The following SLC22A8 variants were observed in gnomAD, a reference collection of about 807,000 sequenced individuals.
The protein encoded by SLC22A8 is organic anion transporter 3.
Under a neutral mutation model 48.4 loss-of-function variants are expected in SLC22A8, and 40 were observed. That is an observed-to-expected ratio of 0.83 (90% CI 0.64 to 1.08). SLC22A8 has a LOEUF of 1.08. SLC22A8 is among the 50% of genes least tolerant of loss of function. SLC22A8 has a pLI of 0.00. For synonymous variants in SLC22A8, 268 were observed against 286.3 expected (o/e 0.94, Z 0.65); for missense variants, 606 against 699.0 (o/e 0.87, Z 1.50).
At chr11:63,002,999 C>A (rs2086515602) in intron 2 of SLC22A8, among the ~76,000 whole-genome samples, 1 of 152,192 alleles carries the variant, frequency 6.6e-6, no homozygotes, top group South Asian at 2.1e-4. Context: ...CCATTCTTTC[C>A]CTGATAACCT....
At chr11:63,002,469 C>T (rs772065241) in intron 2 of SLC22A8, among the ~76,000 whole-genome samples, 4 of 152,108 alleles carry the variant, frequency 2.6e-5, no homozygotes, top group Admixed American at 1.3e-4. Context: ...GATCTCAAAA[C>T]GTATTCCACC....
intron 2 of SLC22A8, among the ~76,000 whole-genome samples, chr11:63,012,845 A>G (rs1324519513): frequency 6.6e-6 from 1 of 152,180 alleles, no homozygotes; most frequent in African/African-American, 2.4e-5. Flanking sequence ...TGTCCTCAGT[A>G]TTATGCACTG....
chr11:63,010,308 GC>G (rs1169307168), intron 2 of SLC22A8, among the ~76,000 whole-genome samples: 2 of 152,140 alleles, frequency 1.3e-5, no homozygotes, highest in Non-Finnish European at 2.9e-5. Context: ...TTGCGAGATG[GC>G]CCCTTGCTTC....
chr11:63,010,847 C>T (rs1590701223), intron 2 of SLC22A8, among the ~76,000 whole-genome samples: 1 of 152,226 alleles, frequency 6.6e-6, no homozygotes, highest in East Asian at 1.9e-4. Flanking sequence ...TGCAACCTCT[C>T]TCTCCGTCTG....
intron 3 of SLC22A8, 55 bp downstream of exon 3, chr11:63,000,664 AG>A: frequency 7.9e-7 from 1 of 1,264,060 alleles, no homozygotes; most frequent in Non-Finnish European, 1.2e-6. Flanking sequence ...GGAGCAGAGT[AG>A]GGAAGGGTTG....
rs1229345281 is a variant in SLC22A8 at position 62,992,912 on chromosome 11, C to CA, written c.*324dup. 8.6e-6 allele frequency: 3 copies of CA among 350,790 alleles called. No homozygotes were observed. In the South Asian group the frequency reaches 3.4e-4, roughly 40 times the overall value. 21.7% of individuals were successfully genotyped at this position (350,790 alleles called of 1,614,324 possible). On this transcript the variant is annotated 3_prime_UTR_variant, in exon 11 of 11. Transcript: ENST00000336232. Reference sequence around the variant, plus strand: ...GAGGACTTCTCATCTTGTTAAGACTCAGTCTTGTTAGGACTGAGCCAGGGG... The same window carrying CA: ...GAGGACTTCTCATCTTGTTAAGACTCAAGTCTTGTTAGGACTGAGCCAGGGG...
At chr11:63,002,783 A>G (rs1011653742) in intron 2 of SLC22A8, among the ~76,000 whole-genome samples, 2 of 152,190 alleles carry the variant, frequency 1.3e-5, no homozygotes, top group Non-Finnish European at 2.9e-5. Context: ...TAGATTAATA[A>G]TGACAACTGA....
chr11:62,993,382 C>T, intron 10 of SLC22A8, 42 bp downstream of exon 10: 1 of 1,612,904 alleles, frequency 6.2e-7, no homozygotes, highest in Non-Finnish European at 8.5e-7. Flanking sequence ...AGACCTGCTT[C>T]CCCAGGGAGG....
At chr11:63,000,100 C>T (rs1011492612) in intron 3 of SLC22A8, among the ~76,000 whole-genome samples, 4 of 152,218 alleles carry the variant, frequency 2.6e-5, no homozygotes, top group Admixed American at 6.5e-5. Context: ...AAGGACCGCC[C>T]ATCTCTAAGC....
chr11:62,993,868 G>T lies in SLC22A8; in HGVS notation c.1227C>A (p.Thr409=). Residue 409 remains threonine (T), a synonymous_variant, in exon 9 of 11, where the codon ACC becomes ACA. Transcript: ENST00000336232. ...ALTFVPLDLQ[T]VRTVLAVFGK... Reference sequence around the variant, plus strand: ...CAAACACAGCCAATACTGTCCTCACGGTCTGCAAGTCTGCAGAGGGAAGAA... The same window carrying T: ...CAAACACAGCCAATACTGTCCTCACTGTCTGCAAGTCTGCAGAGGGAAGAA... 1 of 1,610,208 alleles carries T rather than the reference G, an allele frequency of 6.2e-7. No homozygotes were observed. Among genetic ancestry groups the T allele is most frequent in the Middle Eastern group, 1.7e-4 (1 of 6,056 alleles).
intron 5 of SLC22A8, 81 bp downstream of exon 5, chr11:62,998,840 G>T: frequency 7.7e-7 from 1 of 1,305,394 alleles, no homozygotes; most frequent in Non-Finnish European, 1.1e-6. Flanking sequence ...ACACAGAGTT[G>T]GCCAGCCTGG....
intron 5 of SLC22A8, among the ~76,000 whole-genome samples, chr11:62,997,461 C>T (rs1250134626): frequency 5.3e-5 from 8 of 151,972 alleles, no homozygotes; most frequent in Non-Finnish European, 8.8e-5. Context: ...CCTGACCCCG[C>T]GATCCGCCCC....
At position 62,994,561 on chromosome 11, in the gene SLC22A8, A is replaced by T; in HGVS notation, c.1197T>A (p.Ala399=). 1 of 1,610,430 alleles carries T rather than the reference A, an allele frequency of 6.2e-7. No individual in the cohort carries two copies. The highest frequency in any genetic ancestry group is 8.5e-7 in the Non-Finnish European group (1 of 1,178,218). Residue 399 remains alanine (A), a synonymous_variant, in exon 8 of 11, where the codon GCT becomes GCA. Transcript: ENST00000336232. ...ALLLAGGAIL[A]LTFVPLDLQT... is the part of the protein sequence containing the mutation. ...TCTCACCCAAGGGCACAAAGGTGAG[A>T]GCCAAGATGGCCCCTCCTGCCAGGA...
chr11:62,995,719 C>A lies in SLC22A8; in HGVS notation c.986G>T (p.Cys329Phe). The change falls in exon 7 of 11, where the codon TGT becomes TTT. Residue 329 changes from cysteine (C) to phenylalanine (F), a missense_variant. Physicochemically the swap from Cys to Phe is radical, Grantham distance 205 (BLOSUM62 -2). Coordinates refer to ENST00000336232, the MANE Select transcript of SLC22A8 (RefSeq NM_004254.4). Reference sequence around the variant, plus strand: ...GGGGGGTTACCAGGCCAGGGAAAGACAGAAGGTCATGCGGCGCAGCATGGG... The same window carrying A: ...GGGGGGTTACCAGGCCAGGGAAAGAAAGAAGGTCATGCGGCGCAGCATGGG... ...RIPMLRRMTF[C>F]LSLAWFATGF... 6.2e-7 allele frequency: 1 copy of A among 1,613,936 alleles called. No individual in the cohort carries two copies. The highest frequency in any genetic ancestry group is 1.3e-5 in the African/African-American group (1 of 75,036).
rs1339492968 is a variant in SLC22A8 at position 63,014,844 on chromosome 11, T to C, written c.115A>G (p.Ile39Val). 6.2e-7 allele frequency: 1 copy of C among 1,612,462 alleles called. No individual in the cohort carries two copies. The highest frequency in any genetic ancestry group is 1.1e-5 in the South Asian group (1 of 90,970). ...TGGACAGGGGTGGCGGCTGTGAAGA[T>C]CTGCAGCAGGTTGTGGTTGGCCATG... ...LNMANHNLLQ[I>V]FTAATPVHHC... Residue 39 changes from isoleucine (I) to valine (V), a missense_variant, in exon 2 of 11, where the codon ATC becomes GTC. Ile to Val is a conservative substitution (Grantham distance 29). Coordinates refer to ENST00000336232, the MANE Select transcript of SLC22A8 (RefSeq NM_004254.4).
Position 62,995,744 on chromosome 11 carries a change from G to A in SLC22A8, c.961C>T (p.Pro321Ser). 1 of 1,614,126 alleles carries A rather than the reference G, an allele frequency of 6.2e-7. No homozygotes were observed. Among genetic ancestry groups the A allele is most frequent in the Non-Finnish European group, 8.5e-7 (1 of 1,179,996 alleles). ...KYTASDLFRIPMLRRMTFCLS... is the reference protein window; with the variant it reads ...KYTASDLFRISMLRRMTFCLS... The stretch of plus-strand genomic sequence containing the variant: ...CAGAAGGTCATGCGGCGCAGCATGG[G>A]TATCCGGAACAGGTCACTTGCGGTG... The change falls in exon 7 of 11, where the codon CCC becomes TCC. Residue 321 changes from proline to serine, a missense_variant. By Grantham distance (74) the Pro-to-Ser change is moderately conservative. Transcript: ENST00000336232.
At chr11:62,995,014 G>T in intron 7 of SLC22A8, 1 of 533,692 alleles carries the variant, frequency 1.9e-6, no homozygotes, top group Non-Finnish European at 3.4e-6. Context: ...ACTGACTCTA[G>T]AGAAGATCAG....
At chr11:62,994,952 G>C (rs934091596) in intron 7 of SLC22A8, 196 bp from the exon 8 acceptor site, 7 of 619,502 alleles carry the variant, frequency 1.1e-5, no homozygotes, top group Non-Finnish European at 2.0e-5. Flanking sequence ...GTGATTGACT[G>C]GTCATGTCTG....
At chr11:63,015,149 G>A (rs1297297131) in intron 1 of SLC22A8, among the ~76,000 whole-genome samples, 166 bp from the exon 2 acceptor site, 4 of 152,318 alleles carry the variant, frequency 2.6e-5, no homozygotes, top group South Asian at 2.1e-4. Flanking sequence ...ATGTGGAGCC[G>A]CAGATTCTTG....
Sources: gnomAD v4.1 joint callset for allele counts (sites outside exome capture counted in the v4.1 genomes callset) on GRCh38, gnomAD v4.1.1 for gene constraint, MANE v1.5 for transcripts, NCBI Gene and HGNC (gene_info 2026-07-23, HGNC 2026-07-21) for gene names.